MTA3: variants seen among roughly 807,000 people sequenced by gnomAD.
MTA3 encodes metastasis-associated protein MTA3.
In MTA3, 34 loss-of-function variants were observed where a neutral mutation model predicts 83.5. The observed-to-expected ratio is 0.41, with a 90% CI of 0.31 to 0.54. MTA3 has a LOEUF of 0.54. Ranked by LOEUF, MTA3 falls within the 20% of genes least tolerant of loss-of-function variation. MTA3 has a pLI of 0.33. For missense variants in MTA3, 761 were observed against 726.4 expected (o/e 1.05, Z -0.55); for synonymous variants, 303 against 252.7 (o/e 1.20, Z -1.89).
At chr2:42,518,939 C>G (rs1466015039) in intron 2 of MTA3, among the ~76,000 whole-genome samples, 1 of 149,876 alleles carries the variant, frequency 6.7e-6, no homozygotes, top group Non-Finnish European at 1.5e-5. Flanking sequence ...GCACTCTAGC[C>G]TAAGTGACAG....
At chr2:42,608,365 A>G (rs1345255826) in intron 3 of MTA3, among the ~76,000 whole-genome samples, 1 of 152,218 alleles carries the variant, frequency 6.6e-6, no homozygotes, top group Non-Finnish European at 1.5e-5. Flanking sequence ...TTTTAGTGCT[A>G]TATTTCTCTT....
chr2:42,669,796 A>T (rs146443165), intron 8 of MTA3, among the ~76,000 whole-genome samples: 88 of 152,346 alleles, frequency 5.8e-4, no homozygotes, highest in African/African-American at 1.9e-3. Flanking sequence ...GGGTAAATAC[A>T]GCCTTTTACT....
chr2:42,727,316 T>C (rs1667900814), intron 16 of MTA3, among the ~76,000 whole-genome samples: 2 of 152,222 alleles, frequency 1.3e-5, no homozygotes. Context: ...GCACAGTGCC[T>C]TGCCAGTCTC....
chr2:42,755,477 T>C lies in MTA3; in HGVS notation c.*2078T>C, dbSNP rs1347003822. On this transcript the variant is annotated 3_prime_UTR_variant, in exon 17 of 17. Transcript: ENST00000405094. Reference sequence around the variant, plus strand: ...TTGGCTTTGGGAAAAGCGCAGCTTGTTCGAGCCACGTGTGCCAAGCAGGCT... The same window carrying C: ...TTGGCTTTGGGAAAAGCGCAGCTTGCTCGAGCCACGTGTGCCAAGCAGGCT... 1.4e-5 allele frequency: 14 copies of C among 985,388 alleles called. No individual in the cohort carries two copies. Among genetic ancestry groups the C allele is most frequent in the Non-Finnish European group, 1.7e-5 (14 of 829,986 alleles). The allele number at this position is 985,388 out of a possible 1,614,324, so 61.0% of individuals were successfully genotyped here.
At chr2:42,500,501 C>G (rs971758828) in intron 2 of MTA3, among the ~76,000 whole-genome samples, 4 of 151,972 alleles carry the variant, frequency 2.6e-5, no homozygotes, top group Admixed American at 1.3e-4. Context: ...GATGCCAGTG[C>G]ACTCCAGCCT....
intron 10 of MTA3, among the ~76,000 whole-genome samples, chr2:42,697,509 G>A (rs943888231): frequency 8.5e-5 from 13 of 152,312 alleles, no homozygotes; most frequent in Admixed American, 3.3e-4. Flanking sequence ...TTCAGTCATA[G>A]AGGAATGGAA....
At position 42,750,179 on chromosome 2, in the gene MTA3, C is replaced by T. The variant is rs142468119; in HGVS notation, c.1760-3195C>T. Among the ~76,000 whole-genome samples, 293 of 151,994 alleles carry T rather than the reference C, an allele frequency of 1.9e-3. 2 individuals are homozygous for T. Among genetic ancestry groups the T allele is most frequent in the African/African-American group, 6.5e-3 (271 of 41,460 alleles). On this transcript the variant is annotated intron_variant, in intron 16 of 16. Coordinates refer to ENST00000405094, the MANE Select transcript of MTA3 (RefSeq NM_001330442.2). ...CTAATTTTTGTATTTTTAGTAGAGA[C>T]GGGGTTTCACTCTGTTGGCCAGGCT...
At chr2:42,731,465 TG>T (rs1046968413) in intron 16 of MTA3, among the ~76,000 whole-genome samples, 1 of 152,146 alleles carries the variant, frequency 6.6e-6, no homozygotes, top group African/African-American at 2.4e-5. Context: ...ACTTTTTACA[TG>T]GTGGCAGCAA....
At chr2:42,521,751 C>CTTTTTTTT (rs35664371) in intron 2 of MTA3, among the ~76,000 whole-genome samples, 7 of 106,398 alleles carry the variant, frequency 6.6e-5, no homozygotes, top group African/African-American at 1.5e-4. Context: ...ATCTTTCTCT[C>CTTTTTTTT]TTTTTTTTTT....
chr2:42,535,834 A>C (rs1005752626), intron 2 of MTA3, among the ~76,000 whole-genome samples: 1 of 152,220 alleles, frequency 6.6e-6, no homozygotes, highest in Non-Finnish European at 1.5e-5. Context: ...AAATGGAGCC[A>C]CTGGCTGGGC....
At position 42,571,386 on chromosome 2, in the gene MTA3, C is replaced by CA. The variant is rs34003791; in HGVS notation, c.96+906dup. ...TGGGTGACAGAGCAAAACACTGTCT[C>CA]AAAAAAAAAAAAAAAAAAAAAAAAG... is the stretch of plus-strand genomic sequence containing the variant. On this transcript the variant is annotated intron_variant, in intron 2 of 16. Coordinates refer to ENST00000405094, the MANE Select transcript of MTA3 (RefSeq NM_001330442.2). Among the ~76,000 whole-genome samples, 457 of 63,288 alleles carry CA rather than the reference C, an allele frequency of 7.2e-3. 1 individual carries two copies. Among genetic ancestry groups the CA allele is most frequent in the Middle Eastern group, 0.01 (1 of 100 alleles). 41.5% of individuals were successfully genotyped at this position (63,288 alleles called of 152,430 possible).
chr2:42,643,509 A>T (rs1687890677), intron 5 of MTA3, among the ~76,000 whole-genome samples: 1 of 152,152 alleles, frequency 6.6e-6, no homozygotes, highest in East Asian at 1.9e-4. Context: ...GCATGTATAT[A>T]GCTATGTTTG....
intron 4 of MTA3, among the ~76,000 whole-genome samples, chr2:42,623,556 C>T (rs1051692348): frequency 2.6e-5 from 4 of 152,072 alleles, no homozygotes; most frequent in South Asian, 2.1e-4. Context: ...TAGGACTTCC[C>T]TTTTCCTTCT....
chr2:42,692,946 T>C (rs1324980361), intron 9 of MTA3, among the ~76,000 whole-genome samples: 2 of 152,234 alleles, frequency 1.3e-5, no homozygotes, highest in Admixed American at 1.3e-4. Context: ...TCTAAAGGAC[T>C]TGGGCCTCAA....
chr2:42,753,506 G>A lies in MTA3; in HGVS notation c.*107G>A. The A allele has an allele frequency of 2.0e-6, 3 of 1,536,630 alleles. No homozygotes were observed. In the South Asian group the frequency reaches 3.6e-5, roughly 19 times the overall value. Reference sequence around the variant, plus strand: ...CCCCACTCCCAGTACATTTCAGTGGGAGACCTCTGCGTGCATCCATGGAGA... The same window carrying A: ...CCCCACTCCCAGTACATTTCAGTGGAAGACCTCTGCGTGCATCCATGGAGA... On this transcript the variant is annotated 3_prime_UTR_variant, in exon 17 of 17. Transcript: ENST00000405094.
rs1377590862 is a variant in MTA3 at position 42,708,022 on chromosome 2, G to A, written c.1270G>A (p.Glu424Lys). Residue 424 changes from glutamate (E) to lysine (K), a missense_variant, in exon 13 of 17, where the codon GAA becomes AAA. Glu to Lys is a moderately conservative substitution (Grantham distance 56, BLOSUM62 1). Transcript: ENST00000405094. The part of the protein sequence containing the change: ...GGLKMPTQSE[E>K]EKLSPSPTTE... ...CTTGAAAATGCCCACCCAGTCAGAA[G>A]AAGAGAAGTTATCTCCTAGCCCAAC... is the stretch of plus-strand genomic sequence containing the variant. The A allele has an allele frequency of 1.2e-6, 2 of 1,612,148 alleles. No individual in the cohort carries two copies. The highest frequency in any genetic ancestry group is 1.7e-4 in the Middle Eastern group (1 of 6,054).
chr2:42,662,732 C>CTT (rs35392554), intron 8 of MTA3, among the ~76,000 whole-genome samples: 1 of 123,278 alleles, frequency 8.1e-6, no homozygotes, highest in Non-Finnish European at 1.7e-5. Flanking sequence ...TATATAAATA[C>CTT]TTTTTTTTTT....
At chr2:42,552,623 C>CAA (rs536783114) in intron 2 of MTA3, among the ~76,000 whole-genome samples, 2 of 88,396 alleles carry the variant, frequency 2.3e-5, no homozygotes, top group African/African-American at 4.0e-5. Flanking sequence ...ACTCCTTGTC[C>CAA]AAAAAAAAAA....
intron 16 of MTA3, chr2:42,752,202 C>T: frequency 2.1e-6 from 1 of 471,302 alleles, no homozygotes; most frequent in Non-Finnish European, 4.4e-6. Context: ...TATCAAATAC[C>T]AAGCTGGGTA....
Sources: allele counts gnomAD v4.1 joint callset (sites outside exome capture counted in the v4.1 genomes callset), GRCh38; gene constraint gnomAD v4.1.1; transcripts MANE v1.5; gene names NCBI Gene and HGNC (gene_info 2026-07-23, HGNC 2026-07-21).